KCMF1: variants seen among roughly 807,000 people sequenced by gnomAD.
KCMF1 encodes the protein E3 ubiquitin-protein ligase KCMF1.
A neutral mutation model predicts 41.1 loss-of-function variants in KCMF1; 3 were observed. That is an observed-to-expected ratio of 0.07 (90% CI 0.03 to 0.19). KCMF1 has a LOEUF of 0.19. Among genes scored for constraint, KCMF1 ranks in the 10% least tolerant of loss-of-function variants. The pLI is 1.00. For missense variants in KCMF1, 286 were observed against 488.9 expected, an observed-to-expected ratio of 0.58 and a Z score of 3.91; for synonymous variants, 142 against 164.5, an observed-to-expected ratio of 0.86 and a Z score of 1.04.
At chr2:85,030,181 A>T (rs1014530266) in intron 2 of KCMF1, among the ~76,000 whole-genome samples, 4 of 151,908 alleles carry the variant, frequency 2.6e-5, no homozygotes, top group African/African-American at 9.7e-5. Flanking sequence ...CCCATTTTTT[A>T]ATTGGATAAT....
At chr2:85,012,840 C>T (rs752203030) in intron 1 of KCMF1, among the ~76,000 whole-genome samples, 13 of 152,128 alleles carry the variant, frequency 8.5e-5, no homozygotes, top group Admixed American at 3.9e-4. Context: ...TAACAGTTGA[C>T]GGTAGGATTT....
intron 1 of KCMF1, among the ~76,000 whole-genome samples, chr2:84,980,439 T>C (rs1673702057): frequency 6.6e-6 from 1 of 152,114 alleles, no homozygotes; most frequent in South Asian, 2.1e-4. Flanking sequence ...CACTGCCCAA[T>C]GAAATGAACA....
At chr2:85,029,649 A>G (rs1203990270) in intron 2 of KCMF1, among the ~76,000 whole-genome samples, 1 of 150,854 alleles carries the variant, frequency 6.6e-6, no homozygotes, top group East Asian at 1.9e-4. Flanking sequence ...AGACATTGTA[A>G]GAAAATATAT....
chr2:84,981,610 A>G (rs1231267942), intron 1 of KCMF1, among the ~76,000 whole-genome samples: 1 of 152,136 alleles, frequency 6.6e-6, no homozygotes, highest in Non-Finnish European at 1.5e-5. Flanking sequence ...TTAGAGTACT[A>G]GGTTGATGAG....
chr2:84,979,667 G>T (rs1673654242), intron 1 of KCMF1, among the ~76,000 whole-genome samples: 2 of 152,014 alleles, frequency 1.3e-5, no homozygotes, highest in Non-Finnish European at 2.9e-5. Flanking sequence ...TTTTATAGAA[G>T]ATTAATTTTT....
At chr2:85,024,577 A>G (rs967256069) in intron 1 of KCMF1, among the ~76,000 whole-genome samples, 3 of 143,404 alleles carry the variant, frequency 2.1e-5, no homozygotes, top group Non-Finnish European at 4.6e-5. Context: ...AGAGAGAGAG[A>G]GAGAGAGTGT....
In KCMF1 at chr2:85,058,820, T is replaced by G. The variant is rs948135125; in HGVS notation, c.*5411T>G. The G allele has an allele frequency of 6.6e-6, 1 of 152,214 alleles. No homozygotes were observed. Among genetic ancestry groups the G allele is most frequent in the South Asian group, 2.1e-4 (1 of 4,832 alleles). The allele number at this position is 152,214 out of a possible 1,614,324, so 9.4% of individuals were successfully genotyped here. On this transcript the variant is annotated 3_prime_UTR_variant, in exon 7 of 7. Transcript: ENST00000409785. ...CTCCCTTAAATCTACCAAATTAGAC[T>G]GACAGCATTTGGAATCTGCCTCACA... is the stretch of plus-strand genomic sequence containing the variant.
Position 85,053,431 on chromosome 2 carries a change from A to C in KCMF1, c.*22A>C. 6.2e-7 allele frequency: 1 copy of C among 1,604,106 alleles called. No homozygotes were observed. The highest frequency in any genetic ancestry group is 8.5e-7 in the Non-Finnish European group (1 of 1,174,662). ...TTGATGACATCCCAATTCGCAGACAATGTCCTCTGTGCTGTATTTGCCAAT... is the reference window on the plus strand; with the variant it reads ...TTGATGACATCCCAATTCGCAGACACTGTCCTCTGTGCTGTATTTGCCAAT... On this transcript the variant is annotated 3_prime_UTR_variant, in exon 7 of 7. Transcript: ENST00000409785.
chr2:85,053,577 T>A lies in KCMF1; in HGVS notation c.*168T>A. 1 of 775,138 alleles carries A rather than the reference T, an allele frequency of 1.3e-6. No individual in the cohort carries two copies. Among genetic ancestry groups the A allele is most frequent in the Non-Finnish European group, 2.0e-6 (1 of 498,208 alleles). The allele number at this position is 775,138 out of a possible 1,614,324, so 48.0% of individuals were successfully genotyped here. A position where few individuals can be genotyped will look rare whatever the true frequency, so the allele number is the denominator to read the frequency against. ...AATATATATGATAATCATTTCCACT[T>A]AACTAATTTTTACTTCTAGCAGGTA... On this transcript the variant is annotated 3_prime_UTR_variant, in exon 7 of 7. Transcript: ENST00000409785.
At chr2:84,998,954 CTATCTATCTATCTG>C (rs1439058243) in intron 1 of KCMF1, among the ~76,000 whole-genome samples, 8 of 107,262 alleles carry the variant, frequency 7.5e-5, no homozygotes, top group Admixed American at 2.4e-4. Flanking sequence ...ATCTATCTAT[CTATCTATCTATCTG>C]TCTGTCTGTC....
intron 1 of KCMF1, among the ~76,000 whole-genome samples, chr2:84,987,906 T>G (rs1194664496): frequency 2.0e-5 from 3 of 152,104 alleles, no homozygotes; most frequent in Non-Finnish European, 4.4e-5. Flanking sequence ...AGTGTTGACT[T>G]ACTTGTCTGT....
At chr2:85,011,607 G>A (rs1674654424) in intron 1 of KCMF1, among the ~76,000 whole-genome samples, 1 of 152,180 alleles carries the variant, frequency 6.6e-6, no homozygotes, top group Admixed American at 6.5e-5. Context: ...CAACTAGCTG[G>A]TGATGAGAGT....
chr2:85,018,326 A>G (rs944746713), intron 1 of KCMF1, among the ~76,000 whole-genome samples: 6 of 140,312 alleles, frequency 4.3e-5, no homozygotes, highest in East Asian at 4.3e-4. Flanking sequence ...ACTGGAGTGC[A>G]GTGCGCAAAC....
Position 85,049,655 on chromosome 2 carries a change from C to G in KCMF1, c.884+7C>G. The G allele has an allele frequency of 1.2e-6, 2 of 1,601,352 alleles. No homozygotes were observed. Among genetic ancestry groups the G allele is most frequent in the Non-Finnish European group, 1.7e-6 (2 of 1,170,536 alleles). On this transcript the variant is annotated splice_region_variant and intron_variant, in intron 6 of 6. Transcript: ENST00000409785. ...CCCAGTTTCTTTTAACAAGGTAGCT[C>G]ATTTGTTAATAGAATTTTGTTTGGG...
rs544459525 is a variant in KCMF1 at position 85,014,842 on chromosome 2, T to G, written c.17-13047T>G. Reference sequence around the variant, plus strand: ...TCCTGCCTCAGCCTCCCAAAGTGTTTCCCTCAGCCTCCCAAAGCCACCTGT... The same window carrying G: ...TCCTGCCTCAGCCTCCCAAAGTGTTGCCCTCAGCCTCCCAAAGCCACCTGT... On this transcript the variant is annotated intron_variant, in intron 1 of 6. Coordinates refer to ENST00000409785, the MANE Select transcript of KCMF1 (RefSeq NM_020122.5). 2.6e-5 allele frequency among the ~76,000 whole-genome samples: 4 copies of G among 151,408 alleles called. No individual in the cohort carries two copies. In the South Asian group the frequency reaches 8.4e-4, roughly 32 times the overall value.
At chr2:85,047,932 A>G (rs1383546250) in intron 5 of KCMF1, among the ~76,000 whole-genome samples, 1 of 152,184 alleles carries the variant, frequency 6.6e-6, no homozygotes, top group Non-Finnish European at 1.5e-5. Flanking sequence ...TAGGAACACA[A>G]AGGAGGAGAC....
intron 1 of KCMF1, among the ~76,000 whole-genome samples, chr2:85,020,529 A>G (rs1172483231): frequency 6.6e-6 from 1 of 152,082 alleles, no homozygotes; most frequent in Non-Finnish European, 1.5e-5. Context: ...CCTAGACTCA[A>G]GTGATCCTCC....
chr2:84,983,711 G>GTGT (rs1288032869), intron 1 of KCMF1, among the ~76,000 whole-genome samples: 5 of 152,176 alleles, frequency 3.3e-5, no homozygotes, highest in African/African-American at 1.2e-4. Flanking sequence ...GGGTTTCACT[G>GTGT]TGTTGGCCAG....
intron 2 of KCMF1, among the ~76,000 whole-genome samples, chr2:85,032,030 G>A (rs1451522023): frequency 6.6e-6 from 1 of 152,108 alleles, no homozygotes; most frequent in Admixed American, 6.5e-5. Context: ...GAGCCACCGC[G>A]GCTGTTTTTT....
Sources: gnomAD v4.1 joint callset for allele counts (sites outside exome capture counted in the v4.1 genomes callset) on GRCh38, gnomAD v4.1.1 for gene constraint, MANE v1.5 for transcripts, NCBI Gene and HGNC (gene_info 2026-07-23, HGNC 2026-07-21) for gene names.